Variants in PDE1C observed in about 807,000 individuals in gnomAD.
PDE1C encodes dual specificity calcium/calmodulin-dependent 3',5'-cyclic nucleotide phosphodiesterase 1C.
In PDE1C, 62 loss-of-function variants were observed where a neutral mutation model predicts 93.1. The observed-to-expected ratio is 0.67, with a 90% CI of 0.54 to 0.82. The LOEUF is 0.82. Among genes scored for constraint, PDE1C ranks in the 40% least tolerant of loss-of-function variants. The pLI, the probability that PDE1C is intolerant of heterozygous loss-of-function variation, is 0.00. For missense variants in PDE1C, 742 were observed against 884.6 expected (o/e 0.84, Z 2.04); for synonymous variants, 325 against 310.1 (o/e 1.05, Z -0.50).
the PDE1C span, among the ~76,000 whole-genome samples, chr7:31,617,195 C>G: frequency 9.2e-5 from 14 of 152,118 alleles, no homozygotes; most frequent in Non-Finnish European, 1.6e-4. Flanking sequence ...AGGGAAGATC[C>G]TATTATTTCT....
At chr7:31,776,506 A>C (rs988998563) in intron 16 of PDE1C, among the ~76,000 whole-genome samples, 1 of 152,276 alleles carries the variant, frequency 6.6e-6, no homozygotes, top group Non-Finnish European at 1.5e-5. Context: ...GATGGGATCA[A>C]TAAGGAGAGA....
At chr7:31,790,316 C>T in intron 16 of PDE1C, 11 of 1,478,774 alleles carry the variant, frequency 7.4e-6, no homozygotes, top group Non-Finnish European at 1.0e-5. Context: ...CCCCGCCCAC[C>T]TCCACCCTCC....
Position 32,012,351 on chromosome 7 carries a change from T to G in PDE1C, c.128+39203A>C, listed in dbSNP as rs533345349. Among the ~76,000 whole-genome samples the G allele has an allele frequency of 2.0e-5, 3 of 152,124 alleles. No homozygotes were observed. In the South Asian group the frequency reaches 6.2e-4, roughly 32 times the overall value. ...TACCAGACTGTTTTAAACAACCCAA[T>G]CATATGTGAACTCACTGAGTGAGAA... On this transcript the variant is annotated intron_variant, in intron 2 of 17. Coordinates refer to ENST00000396191, the MANE Select transcript of PDE1C (RefSeq NM_001191057.4).
chr7:31,636,242 G>A, the PDE1C span, among the ~76,000 whole-genome samples: 339 of 152,218 alleles, frequency 2.2e-3, 2 homozygotes, highest in African/African-American at 7.7e-3. Context: ...TTTGGGTGGG[G>A]ACACAGCTAT....
intron 3 of PDE1C, among the ~76,000 whole-genome samples, chr7:32,114,236 A>C (rs1203492401): frequency 6.6e-6 from 1 of 152,222 alleles, no homozygotes; most frequent in African/African-American, 2.4e-5. Flanking sequence ...ACAAGGCTAT[A>C]GTAACCAAAA....
chr7:32,277,722 C>T (rs1421758510), intron 1 of PDE1C, among the ~76,000 whole-genome samples: 1 of 152,190 alleles, frequency 6.6e-6, no homozygotes, highest in Non-Finnish European at 1.5e-5. Context: ...CATGTCTGTT[C>T]TCCTATCCTC....
chr7:31,647,062 A>G, the PDE1C span, among the ~76,000 whole-genome samples: 1 of 152,260 alleles, frequency 6.6e-6, no homozygotes, highest in East Asian at 1.9e-4. Context: ...TTATACTCCT[A>G]TGCAGGCATA....
chr7:31,753,700 T>C (rs2128594788), intron 17 of PDE1C, 147 bp from the exon 18 acceptor site: 1 of 1,226,184 alleles, frequency 8.2e-7, no homozygotes, highest in Non-Finnish European at 1.1e-6. Flanking sequence ...GGAAACCTTA[T>C]GGCAGATAGA....
In PDE1C at chr7:32,179,155, C is replaced by T. The variant is rs191147136; in HGVS notation, c.137-9199G>A. On this transcript the variant is annotated intron_variant, in intron 2 of 18. Coordinates refer to the PDE1C transcript ENST00000396193. The stretch of plus-strand genomic sequence containing the variant: ...TTATTACAGAGCAAGTAAACAGATG[C>T]TTAGTGTAGATCACGCAGAACATCC... Among the ~76,000 whole-genome samples the T allele has an allele frequency of 2.0e-3, 301 of 152,174 alleles. 1 individual carries two copies. Among genetic ancestry groups the T allele is most frequent in the Non-Finnish European group, 3.6e-3 (247 of 67,998 alleles).
At chr7:31,977,016 C>A (rs1391249673) in intron 2 of PDE1C, among the ~76,000 whole-genome samples, 1 of 152,150 alleles carries the variant, frequency 6.6e-6, no homozygotes, top group Non-Finnish European at 1.5e-5. Flanking sequence ...GGGTTTAAGG[C>A]TCAACAAGCT....
At chr7:31,933,700 T>C (rs920684966) in intron 2 of PDE1C, among the ~76,000 whole-genome samples, 4 of 152,182 alleles carry the variant, frequency 2.6e-5, no homozygotes, top group South Asian at 2.1e-4. Context: ...GCCAACCCCA[T>C]TGGTGATAGT....
intron 5 of PDE1C, among the ~76,000 whole-genome samples, chr7:31,876,550 C>T (rs191686417): frequency 2.0e-3 from 302 of 151,958 alleles, no homozygotes; most frequent in African/African-American, 6.6e-3. Context: ...TTTATGTTCC[C>T]GATAAAGGAA....
intron 2 of PDE1C, among the ~76,000 whole-genome samples, chr7:32,208,215 C>CA (rs913826298): frequency 1.4e-5 from 2 of 145,218 alleles, no homozygotes; most frequent in African/African-American, 2.6e-5. Flanking sequence ...CAAAGCCTTC[C>CA]AAAAAGAGCT....
chr7:31,731,435 G>C, the PDE1C span, among the ~76,000 whole-genome samples: 1 of 152,092 alleles, frequency 6.6e-6, no homozygotes, highest in South Asian at 2.1e-4. Flanking sequence ...CTGTCACCCA[G>C]GCTGGAGTGC....
chr7:32,264,070 G>T (rs1254777962), intron 1 of PDE1C, among the ~76,000 whole-genome samples: 1 of 152,084 alleles, frequency 6.6e-6, no homozygotes, highest in Admixed American at 6.5e-5. Flanking sequence ...AATATCCATT[G>T]ATGATTCTTG....
chr7:32,136,055 T>C (rs1303935330), intron 3 of PDE1C, among the ~76,000 whole-genome samples: 1 of 152,178 alleles, frequency 6.6e-6, no homozygotes, highest in East Asian at 1.9e-4. Context: ...ACTTAAGTGG[T>C]ATCTAAAAAG....
At position 31,825,232 on chromosome 7, in the gene PDE1C, T is replaced by C. The variant is rs76148964; in HGVS notation, c.1286-245A>G. Among the ~76,000 whole-genome samples the C allele has an allele frequency of 6.4e-3, 982 of 152,268 alleles. 14 individuals carry two copies. The highest frequency in any genetic ancestry group is 0.023 in the African/African-American group (938 of 41,576). ...AGAAATATACACTCAACACCCACTA[T>C]AGAACAAGCACTGTGATAAGAGCTG... On this transcript the variant is annotated intron_variant, in intron 12 of 17. Coordinates refer to ENST00000396191, the MANE Select transcript of PDE1C (RefSeq NM_001191057.4).
chr7:31,671,351 T>C, the PDE1C span, among the ~76,000 whole-genome samples: 21 of 152,344 alleles, frequency 1.4e-4, no homozygotes, highest in Admixed American at 2.0e-4. Flanking sequence ...TGCTCATCTA[T>C]GTGCTCCCTC....
chr7:32,270,295 T>C (rs1810873615), intron 1 of PDE1C, among the ~76,000 whole-genome samples: 1 of 151,968 alleles, frequency 6.6e-6, no homozygotes, highest in African/African-American at 2.4e-5. Context: ...TTCTTTCTTT[T>C]TTTTTTTCTC....
Sources: gnomAD v4.1 joint callset for allele counts (sites outside exome capture counted in the v4.1 genomes callset) on GRCh38, gnomAD v4.1.1 for gene constraint, MANE v1.5 for transcripts, NCBI Gene and HGNC (gene_info 2026-07-23, HGNC 2026-07-21) for gene names.